Variants in PRG4 observed in about 807,000 individuals in gnomAD.
The protein encoded by PRG4 is proteoglycan 4, also known as articular superficial zone protein.
A neutral mutation model predicts 91.2 loss-of-function variants in PRG4; 61 were observed. The ratio of observed to expected loss-of-function variants is 0.67; its 90% CI spans 0.54 to 0.83. The LOEUF (loss-of-function observed/expected upper bound fraction) is 0.83. Ranked by LOEUF, PRG4 falls within the 40% of genes least tolerant of loss-of-function variation. The probability of loss-of-function intolerance (pLI) is 0.00; values close to 1 mark genes in which losing one functional copy is unlikely to be tolerated. For missense variants in PRG4, 1,564 were observed against 1,714.2 expected (o/e 0.91, Z 1.55); for synonymous variants, 576 against 614.2 (o/e 0.94, Z 0.92).
chr1:186,304,093 C>T lies in PRG4; in HGVS notation c.320-15C>T, dbSNP rs774690311. ...ATAAACAAGATGTTAACTGACTTGT[C>T]TTACTTGGCCTCAGTGCATAATCCC... On this transcript the variant is annotated splice_polypyrimidine_tract_variant and intron_variant, in intron 4 of 12. Coordinates refer to ENST00000445192, the MANE Select transcript of PRG4 (RefSeq NM_005807.6). 4 of 1,613,564 alleles carry T rather than the reference C, an allele frequency of 2.5e-6. No individual in the cohort carries two copies. The highest frequency in any genetic ancestry group is 3.4e-6 in the Non-Finnish European group (4 of 1,179,572).
intron 9 of PRG4, 118 bp downstream of exon 9, chr1:186,311,288 T>C (rs1183880491): frequency 1.4e-6 from 2 of 1,431,082 alleles, no homozygotes; most frequent in Non-Finnish European, 2.0e-6. Flanking sequence ...GTCATCAAAA[T>C]TTAATCATAA....
At position 186,301,618 on chromosome 1, in the gene PRG4, G is replaced by C; in HGVS notation, c.226G>C (p.Glu76Gln). The C allele has an allele frequency of 6.2e-7, 1 of 1,614,050 alleles. No homozygotes were observed. Among genetic ancestry groups the C allele is most frequent in the South Asian group, 1.1e-5 (1 of 91,080 alleles). Residue 76 changes from glutamate (E) to glutamine (Q), a missense_variant, in exon 4 of 13, where the codon GAG becomes CAG. Transcript: ENST00000445192. ...AELSCKGRCF[E>Q]SFERGRECDC... ...GCTTTCCTGTAAAGGCCGCTGCTTT[G>C]AGTCCTTCGAGAGAGGGAGGGAGTG...
chr1:186,309,292 A>G (rs1180919241), intron 7 of PRG4, 152 bp downstream of exon 7: 1 of 821,962 alleles, frequency 1.2e-6, no homozygotes, highest in Non-Finnish European at 2.0e-6. Context: ...GTAGGTAAGC[A>G]GAGGTGTAAT....
At position 186,314,086 on chromosome 1, in the gene PRG4, T is replaced by TCA. The variant is rs1657486363; in HGVS notation, c.*310_*311dup. ...TTTTAAGAATTCAAAACTAGTGTAT[T>TCA]CACTTACCCTAGTTCATTATAAAAA... On this transcript the variant is annotated 3_prime_UTR_variant, in exon 13 of 13. Coordinates refer to ENST00000445192, the MANE Select transcript of PRG4 (RefSeq NM_005807.6). The TCA allele has an allele frequency of 6.8e-7, 1 of 1,462,320 alleles. No homozygotes were observed. The allele number at this position is 1,462,320 out of a possible 1,614,324, so 90.6% of individuals were successfully genotyped here.
chr1:186,310,151 T>A (rs1233474124), intron 8 of PRG4, among the ~76,000 whole-genome samples: 3 of 142,036 alleles, frequency 2.1e-5, no homozygotes, highest in Non-Finnish European at 3.1e-5. Flanking sequence ...GGGGGGGTAG[T>A]TAAAATTTAA....
Position 186,311,139 on chromosome 1 carries a change from G to A in PRG4, c.3605G>A (p.Cys1202Tyr), listed in dbSNP as rs1159406202. The stretch of plus-strand genomic sequence containing the variant: ...CCCATTGATACTGTTTTTACTAGGT[G>A]CAACTGTGAAGGAAAAACTTTCTTC... ...PSPIDTVFTR[C>Y]NCEGKTFFFK... The change falls in exon 9 of 13, where the codon TGC (cysteine) becomes TAC (tyrosine). Residue 1202 changes from cysteine (C) to tyrosine (Y), a missense_variant. By Grantham distance (194) the Cys-to-Tyr change is radical (BLOSUM62 -2). Transcript: ENST00000445192. The A allele has an allele frequency of 1.2e-6, 2 of 1,613,304 alleles. No individual in the cohort carries two copies. The highest frequency in any genetic ancestry group is 1.7e-6 in the Non-Finnish European group (2 of 1,179,330).
At chr1:186,305,033 A>T in intron 6 of PRG4, 111 bp downstream of exon 6, 1 of 1,175,380 alleles carries the variant, frequency 8.5e-7, no homozygotes, top group South Asian at 1.4e-5. Context: ...GGGGGGGAAT[A>T]TAACTTTATG....
intron 11 of PRG4, 72 bp downstream of exon 11, chr1:186,312,444 C>A: frequency 2.2e-6 from 3 of 1,362,076 alleles, no homozygotes; most frequent in Non-Finnish European, 3.0e-6. Flanking sequence ...TACAGTAAGG[C>A]TTATGAAATA....
intron 6 of PRG4, among the ~76,000 whole-genome samples, chr1:186,305,271 C>A (rs1055663419): frequency 6.6e-6 from 1 of 152,118 alleles, no homozygotes; most frequent in Non-Finnish European, 1.5e-5. Flanking sequence ...TTTCCCTTCC[C>A]CAGCTTTATT....
chr1:186,310,657 A>ATTTTTTTTTTTTTTTTTTTTTTT (rs746583527), intron 8 of PRG4, among the ~76,000 whole-genome samples: 1 of 135,880 alleles, frequency 7.4e-6, no homozygotes. Context: ...TAATTTTTGT[A>ATTTTTTTTTTTTTTTTTTTTTTT]TTTTTTTTTG....
At chr1:186,302,667 A>G (rs1260372711) in intron 4 of PRG4, among the ~76,000 whole-genome samples, 2 of 152,204 alleles carry the variant, frequency 1.3e-5, no homozygotes, top group Non-Finnish European at 2.9e-5. Flanking sequence ...TCCAAAAATG[A>G]TGAAGACAAC....
rs372099841 is a variant in PRG4, at chr1:186,309,873, G to A, written c.3499+3G>A. ...TGGGACATTAGTTGCATTCCGAGGTGAGCTATGTACACATTTATTTTTCTT... is the reference window on the plus strand; with the variant it reads ...TGGGACATTAGTTGCATTCCGAGGTAAGCTATGTACACATTTATTTTTCTT... On this transcript the variant is annotated splice_donor_region_variant and intron_variant, in intron 8 of 12. Transcript: ENST00000445192. 3.7e-6 allele frequency: 6 copies of A among 1,610,776 alleles called. No homozygotes were observed. The African/African-American group carries it at 8.0e-5, about 22-fold the overall frequency.
In PRG4 at chr1:186,307,941, C is replaced by T. The variant is rs1190521331; in HGVS notation, c.2222C>T (p.Pro741Leu). The change falls in exon 7 of 13, where the codon CCC becomes CTC. Residue 741 changes from proline (P) to leucine (L), a missense_variant. By Grantham distance (98) the Pro-to-Leu change is moderately conservative. Transcript: ENST00000445192. ...CTTGCACCCACCACCACCAAGGAGC[C>T]CACATCCACCACCTCTGACAAGCCC... ...KELAPTTTKEPTSTTSDKPAP... is the reference protein window; with the variant it reads ...KELAPTTTKELTSTTSDKPAP... The T allele has an allele frequency of 6.2e-7, 1 of 1,608,882 alleles. No homozygotes were observed. Among genetic ancestry groups the T allele is most frequent in the Non-Finnish European group, 8.5e-7 (1 of 1,178,654 alleles).
In PRG4 at chr1:186,306,512, C is replaced by G; in HGVS notation, c.793C>G (p.Pro265Ala). 1 of 1,613,216 alleles carries G rather than the reference C, an allele frequency of 6.2e-7. No homozygotes were observed. The highest frequency in any genetic ancestry group is 1.1e-5 in the South Asian group (1 of 91,064). The stretch of plus-strand genomic sequence containing the variant: ...ACCAATAAATCCCAGACCCAGTCTT[C>G]CACCTAATTCTGATACATCTAAAGA... ...AKPINPRPSL[P>A]PNSDTSKETS... The change falls in exon 7 of 13, where the codon CCA (proline) becomes GCA (alanine). Residue 265 changes from proline to alanine, a missense_variant. Coordinates refer to ENST00000445192, the MANE Select transcript of PRG4 (RefSeq NM_005807.6).
At chr1:186,311,753 C>A in intron 10 of PRG4, 157 bp downstream of exon 10, 1 of 767,746 alleles carries the variant, frequency 1.3e-6, no homozygotes, top group Non-Finnish European at 2.1e-6. Flanking sequence ...ATTCTTATTG[C>A]CCTCAATTTT....
chr1:186,313,538 G>C, intron 12 of PRG4, 143 bp from the exon 13 acceptor site: 3 of 591,328 alleles, frequency 5.1e-6, no homozygotes, highest in Non-Finnish European at 8.9e-6. Flanking sequence ...TTTTCTTTTT[G>C]TTATAAAGTT....
chr1:186,299,171 T>A (rs1656040967), intron 2 of PRG4, among the ~76,000 whole-genome samples: 2 of 152,204 alleles, frequency 1.3e-5, no homozygotes, highest in Admixed American at 6.5e-5. Flanking sequence ...AAATGACTTT[T>A]AAAAAATATT....
intron 2 of PRG4, among the ~76,000 whole-genome samples, chr1:186,299,456 T>G (rs2102008795): frequency 6.6e-6 from 1 of 152,314 alleles, no homozygotes; most frequent in South Asian, 2.1e-4. Flanking sequence ...AGGCTTAAAA[T>G]AAGATATATC....
intron 5 of PRG4, 69 bp downstream of exon 5, chr1:186,304,326 T>A: frequency 6.7e-7 from 1 of 1,502,432 alleles, no homozygotes; most frequent in Non-Finnish European, 9.3e-7. Flanking sequence ...ACTGCTTATC[T>A]AAGCCCATTC....
Sources: gnomAD v4.1 joint callset for allele counts (sites outside exome capture counted in the v4.1 genomes callset) on GRCh38, gnomAD v4.1.1 for gene constraint, MANE v1.5 for transcripts, NCBI Gene and HGNC (gene_info 2026-07-23, HGNC 2026-07-21) for gene names.